SLAMF7: variants seen among roughly 807,000 people sequenced by gnomAD.
The protein encoded by SLAMF7 is 19A24 protein.
A neutral mutation model predicts 34.1 loss-of-function variants in SLAMF7; 26 were observed. The ratio of observed to expected loss-of-function variants is 0.76; its 90% CI spans 0.56 to 1.06. The LOEUF (loss-of-function observed/expected upper bound fraction) is 1.06, where lower values mean the gene tolerates loss of function less well. SLAMF7 is among the 50% of genes least tolerant of loss of function. The pLI, the probability that SLAMF7 is intolerant of heterozygous loss-of-function variation, is 0.00. For missense variants in SLAMF7, 399 were observed against 402.5 expected (o/e 0.99, Z 0.07); for synonymous variants, 171 against 156.4 (o/e 1.09, Z -0.70).
intron 3 of SLAMF7, 105 bp from the exon 4 acceptor site, chr1:160,750,199 G>A (rs775642801): frequency 2.8e-4 from 434 of 1,576,112 alleles, no homozygotes; most frequent in Non-Finnish European, 3.5e-4. Context: ...GGAGGCCGCT[G>A]GGTGGTCACC....
In SLAMF7 at chr1:160,748,190, A is replaced by G; in HGVS notation, c.56-4A>G. On this transcript the variant is annotated splice_polypyrimidine_tract_variant and splice_region_variant and intron_variant, in intron 1 of 6. Coordinates refer to ENST00000368043, the MANE Select transcript of SLAMF7 (RefSeq NM_021181.5). ...GCTTATTTTATGGTTCTCTGTGTTTATAGGGTCAGCAGCCTCTGGACCCGT... is the reference window on the plus strand; with the variant it reads ...GCTTATTTTATGGTTCTCTGTGTTTGTAGGGTCAGCAGCCTCTGGACCCGT... The G allele has an allele frequency of 1.9e-6, 3 of 1,613,130 alleles. No homozygotes were observed. Among genetic ancestry groups the G allele is most frequent in the Non-Finnish European group, 2.5e-6 (3 of 1,179,492 alleles).
chr1:160,748,369 T>C lies in SLAMF7; in HGVS notation c.231T>C (p.Asn77=), dbSNP rs745777319. Residue 77 remains asparagine (N), a synonymous_variant, in exon 2 of 7, where the codon AAT becomes AAC. Transcript: ENST00000368043. ...GGTIIVTQNR[N]RERVDFPDGG... ...CTATCATAGTGACCCAAAATCGTAA[T>C]AGGGAGAGAGTAGACTTCCCAGATG... The C allele has an allele frequency of 1.2e-6, 2 of 1,613,874 alleles. No individual in the cohort carries two copies. The highest frequency in any genetic ancestry group is 1.7e-6 in the Non-Finnish European group (2 of 1,179,958).
chr1:160,746,713 C>T (rs926282525), intron 1 of SLAMF7, among the ~76,000 whole-genome samples: 1 of 152,152 alleles, frequency 6.6e-6, no homozygotes, highest in Admixed American at 6.6e-5. Context: ...AAGGAAAATT[C>T]AGGGTGGGCT....
chr1:160,752,997 T>G, intron 6 of SLAMF7, 109 bp from the exon 7 acceptor site: 1 of 934,966 alleles, frequency 1.1e-6, no homozygotes, highest in Admixed American at 1.9e-5. Flanking sequence ...GCCAGCCGAT[T>G]TGGGTTGGGT....
chr1:160,741,303 G>A (rs1663724514), intron 1 of SLAMF7, among the ~76,000 whole-genome samples: 1 of 152,198 alleles, frequency 6.6e-6, no homozygotes, highest in South Asian at 2.1e-4. Context: ...AATTGGGAGA[G>A]TGTTGAAAAG....
upstream of SLAMF7, chr1:160,739,197 C>T (rs529779625): frequency 4.3e-5 from 42 of 974,714 alleles, no homozygotes; most frequent in Middle Eastern, 8.9e-4. Context: ...CACATGTCTG[C>T]GGCGTGACCC....
chr1:160,751,127 G>A lies in SLAMF7; in HGVS notation c.770-218G>A, dbSNP rs569234021. The A allele has an allele frequency of 1.9e-4, 101 of 531,278 alleles. No individual in the cohort carries two copies. The African/African-American group carries it at 1.9e-3, about 10-fold the overall frequency. The allele number at this position is 531,278 out of a possible 1,614,324, so 32.9% of individuals were successfully genotyped here. On this transcript the variant is annotated intron_variant, in intron 4 of 6. Transcript: ENST00000368043. ...CCCACTTTGACCACCTTGATGGAGA[G>A]ATCAGGAAGTGAAATGTTGGGGGTG...
intron 1 of SLAMF7, among the ~76,000 whole-genome samples, chr1:160,741,033 T>C (rs1663701728): frequency 6.6e-6 from 1 of 152,172 alleles, no homozygotes; most frequent in Admixed American, 6.5e-5. Context: ...GGAGTACCAG[T>C]TGGGGTTTCT....
At position 160,739,450 on chromosome 1, in the gene SLAMF7, G is replaced by A. The variant is rs554153726; in HGVS notation, c.55+94G>A. On this transcript the variant is annotated intron_variant, in intron 1 of 6. Transcript: ENST00000368043. ...CCACTCTGGGCCTCTGGCTCAACTC[G>A]GGAGGCTCTGTGTTCTCATCTAACA... 72 of 1,049,514 alleles carry A rather than the reference G, an allele frequency of 6.9e-5. 1 individual carries two copies. In the Admixed American group the frequency reaches 1.3e-3, roughly 19 times the overall value. The allele number at this position is 1,049,514 out of a possible 1,614,324, so 65.0% of individuals were successfully genotyped here.
intron 6 of SLAMF7, among the ~76,000 whole-genome samples, chr1:160,752,551 C>G (rs908873315): frequency 2.0e-5 from 3 of 152,122 alleles, no homozygotes; most frequent in African/African-American, 7.2e-5. Context: ...AAGACCATGG[C>G]TTAGATTGTG....
chr1:160,748,608 C>T lies in SLAMF7; in HGVS notation c.376+94C>T, dbSNP rs565470168. Reference sequence around the variant, plus strand: ...TGTTTAAGCAGAGGCTGAATAAACACTTGGCAAGAATGTGGGAGAGGGGAC... The same window carrying T: ...TGTTTAAGCAGAGGCTGAATAAACATTTGGCAAGAATGTGGGAGAGGGGAC... On this transcript the variant is annotated intron_variant, in intron 2 of 6. Coordinates refer to ENST00000368043, the MANE Select transcript of SLAMF7 (RefSeq NM_021181.5). The T allele has an allele frequency of 2.2e-5, 26 of 1,193,168 alleles. No homozygotes were observed. The South Asian group carries it at 2.5e-4, about 12-fold the overall frequency. The allele number at this position is 1,193,168 out of a possible 1,614,324, so 73.9% of individuals were successfully genotyped here.
Position 160,751,455 on chromosome 1 carries a change from C to A in SLAMF7, c.873+7C>A. On this transcript the variant is annotated splice_region_variant and intron_variant, in intron 5 of 6. Coordinates refer to ENST00000368043, the MANE Select transcript of SLAMF7 (RefSeq NM_021181.5). Reference sequence around the variant, plus strand: ...CACAATCCCTCACACTAATGTGAGTCCCTTCTCATCTTTCCTGAGAACTGA... The same window carrying A: ...CACAATCCCTCACACTAATGTGAGTACCTTCTCATCTTTCCTGAGAACTGA... 2 of 1,588,958 alleles carry A rather than the reference C, an allele frequency of 1.3e-6. No individual in the cohort carries two copies. Among genetic ancestry groups the A allele is most frequent in the Non-Finnish European group, 1.7e-6 (2 of 1,157,052 alleles).
chr1:160,747,956 C>T (rs551988846), intron 1 of SLAMF7, among the ~76,000 whole-genome samples: 1 of 152,136 alleles, frequency 6.6e-6, no homozygotes, highest in Non-Finnish European at 1.5e-5. Context: ...GTCATACTCT[C>T]TGGGAGTGAA....
chr1:160,748,652 G>C, intron 2 of SLAMF7, 138 bp downstream of exon 2: 1 of 794,918 alleles, frequency 1.3e-6, no homozygotes. Flanking sequence ...GAATGAAATA[G>C]ATGTAGCTGA....
intron 1 of SLAMF7, among the ~76,000 whole-genome samples, chr1:160,740,828 C>T (rs1663682871): frequency 6.6e-6 from 1 of 152,204 alleles, no homozygotes; most frequent in Non-Finnish European, 1.5e-5. Flanking sequence ...CCCTGTTTTA[C>T]AGTTGAGGAA....
At chr1:160,751,786 G>C (rs1375864244) in intron 5 of SLAMF7, 1 of 169,710 alleles carries the variant, frequency 5.9e-6, no homozygotes, top group African/African-American at 2.5e-5. Flanking sequence ...CAGGATGTTT[G>C]AATCATGGTA....
intron 1 of SLAMF7, among the ~76,000 whole-genome samples, chr1:160,746,589 A>G (rs1664149000): frequency 6.6e-6 from 1 of 152,258 alleles, no homozygotes. Context: ...ACTTAGTTTA[A>G]AAGAATTTAT....
chr1:160,739,224 T>C (rs1663534569), upstream of SLAMF7: 5 of 1,293,224 alleles, frequency 3.9e-6, no homozygotes, highest in Admixed American at 6.7e-5. Context: ...CTTCTTTAAA[T>C]ATCAGCTGGG....
At chr1:160,749,674 A>G (rs148842629) in intron 2 of SLAMF7, 147 bp from the exon 3 acceptor site, 5 of 614,946 alleles carry the variant, frequency 8.1e-6, no homozygotes, top group Middle Eastern at 4.6e-4. Context: ...TCTTTTCCAG[A>G]TACGAATGAG....
Sources: allele counts gnomAD v4.1 joint callset (sites outside exome capture counted in the v4.1 genomes callset), GRCh38; gene constraint gnomAD v4.1.1; transcripts MANE v1.5; gene names NCBI Gene and HGNC (gene_info 2026-07-23, HGNC 2026-07-21).